Variants in ESRRG observed in about 807,000 individuals in gnomAD.
ESRRG encodes the protein estrogen related receptor gamma.
Under a neutral mutation model 44.0 loss-of-function variants are expected in ESRRG, and 13 were observed. That is an observed-to-expected ratio of 0.30 (90% CI 0.19 to 0.47). The LOEUF is 0.47. Ranked by LOEUF, ESRRG falls within the 20% of genes least tolerant of loss-of-function variation. The pLI is 1.00. For synonymous variants in ESRRG, 215 were observed against 214.6 expected (o/e 1.00, Z -0.02); for missense variants, 395 against 580.6 (o/e 0.68, Z 3.29).
chr1:216,775,511 G>GAC lies in ESRRG; in HGVS notation c.-13-98022_-13-98021dup, dbSNP rs142691233. Among the ~76,000 whole-genome samples, 1,306 of 133,462 alleles carry GAC rather than the reference G, an allele frequency of 9.8e-3. 47 individuals carry two copies. Among genetic ancestry groups the GAC allele is most frequent in the East Asian group, 0.075 (311 of 4,174 alleles). The allele number at this position is 133,462 out of a possible 152,430, so 87.6% of individuals were successfully genotyped here. ...ACTCTATTCCCAATTGCTCAACCCT[G>GAC]ACAGCATGGAGTCTTTCCCACCTAA... On this transcript the variant is annotated intron_variant, in intron 2 of 7. Coordinates refer to the ESRRG transcript ENST00000359162.
intron 2 of ESRRG, among the ~76,000 whole-genome samples, chr1:216,913,743 G>A (rs561290503): frequency 1.3e-5 from 2 of 152,334 alleles, no homozygotes; most frequent in South Asian, 4.1e-4. Context: ...TAGTGCGTGT[G>A]ATAAGCACTT....
chr1:216,600,662 C>G (rs957817889), intron 3 of ESRRG, among the ~76,000 whole-genome samples: 10 of 151,712 alleles, frequency 6.6e-5, no homozygotes, highest in African/African-American at 2.4e-4. Context: ...AAAATAAAGT[C>G]TTAAAAAAAA....
intron 2 of ESRRG, among the ~76,000 whole-genome samples, chr1:216,734,572 C>T (rs1283073390): frequency 6.6e-6 from 1 of 152,152 alleles, no homozygotes; most frequent in African/African-American, 2.4e-5. Flanking sequence ...TATAAGCTTC[C>T]TGGAGCTTCA....
chr1:216,866,227 A>G (rs1280566803), intron 2 of ESRRG, among the ~76,000 whole-genome samples: 2 of 152,194 alleles, frequency 1.3e-5, no homozygotes, highest in Non-Finnish European at 2.9e-5. Context: ...CATACAAGCC[A>G]TGTACATACA....
At chr1:217,136,241 G>A (rs2093047783) in intron 1 of ESRRG, among the ~76,000 whole-genome samples, 1 of 152,156 alleles carries the variant, frequency 6.6e-6, no homozygotes, top group Non-Finnish European at 1.5e-5. Context: ...TGAGTGGGAG[G>A]GAAAGGGAAA....
intron 1 of ESRRG, among the ~76,000 whole-genome samples, chr1:216,965,863 A>T (rs1403356251): frequency 6.6e-6 from 1 of 152,156 alleles, no homozygotes; most frequent in African/African-American, 2.4e-5. Flanking sequence ...GTGGATTCTA[A>T]ATTAGAGCTT....
chr1:217,046,316 A>G (rs2084873482), intron 1 of ESRRG, among the ~76,000 whole-genome samples: 1 of 152,200 alleles, frequency 6.6e-6, no homozygotes, highest in South Asian at 2.1e-4. Flanking sequence ...ATCAAGAAAT[A>G]GGTGTTGGAT....
intron 2 of ESRRG, among the ~76,000 whole-genome samples, chr1:216,930,015 C>A (rs992814367): frequency 6.6e-6 from 1 of 152,146 alleles, no homozygotes; most frequent in Non-Finnish European, 1.5e-5. Flanking sequence ...TTTCATTGGA[C>A]ATCCTTCCTC....
At chr1:216,927,766 C>CAT (rs1379313915) in intron 2 of ESRRG, among the ~76,000 whole-genome samples, 35 of 152,138 alleles carry the variant, frequency 2.3e-4, no homozygotes, top group Admixed American at 3.3e-4. Context: ...CGGGACGGGG[C>CAT]TCCCAGATCA....
intron 2 of ESRRG, chr1:216,855,192 T>A (rs1212228648): frequency 6.6e-6 from 1 of 152,152 alleles, no homozygotes; most frequent in African/African-American, 2.4e-5. Flanking sequence ...GATATGACAC[T>A]TGGATTCAAT....
chr1:216,935,640 G>A (rs2064016018), intron 2 of ESRRG, among the ~76,000 whole-genome samples: 1 of 150,502 alleles, frequency 6.6e-6, no homozygotes, highest in East Asian at 2.0e-4. Context: ...TTTTGGAGAT[G>A]GAGTCTTATT....
At chr1:216,516,682 G>GAA (rs2044426581) in intron 6 of ESRRG, among the ~76,000 whole-genome samples, 4 of 91,748 alleles carry the variant, frequency 4.4e-5, no homozygotes, top group East Asian at 5.3e-4. Flanking sequence ...GAGAGAGAGA[G>GAA]AAACGACAAA....
chr1:216,887,723 C>T (rs1577696190), intron 2 of ESRRG, among the ~76,000 whole-genome samples: 2 of 152,154 alleles, frequency 1.3e-5, no homozygotes, highest in East Asian at 3.9e-4. Context: ...TTTTCTCTCT[C>T]TGAAAAACTA....
At chr1:216,639,871 G>A (rs1450060136) in intron 3 of ESRRG, among the ~76,000 whole-genome samples, 1 of 152,162 alleles carries the variant, frequency 6.6e-6, no homozygotes, top group East Asian at 1.9e-4. Flanking sequence ...TATAAAAGAA[G>A]AGTATCTTAC....
At chr1:217,130,569 C>T (rs899300801) in intron 1 of ESRRG, among the ~76,000 whole-genome samples, 4 of 152,166 alleles carry the variant, frequency 2.6e-5, no homozygotes, top group Non-Finnish European at 5.9e-5. Flanking sequence ...TACATCTCCA[C>T]TTCCAAATGT....
intron 1 of ESRRG, among the ~76,000 whole-genome samples, chr1:216,994,250 A>T (rs10495038): frequency 0.37 from 55,794 of 152,104 alleles, 11,351 homozygotes; most frequent in Middle Eastern, 0.47. Flanking sequence ...GCGAAAAAAA[A>T]TCATTTCAAC....
intron 5 of ESRRG, among the ~76,000 whole-genome samples, chr1:216,551,934 C>A (rs1280422296): frequency 1.3e-5 from 2 of 152,086 alleles, no homozygotes; most frequent in Non-Finnish European, 2.9e-5. Flanking sequence ...TGGCCATGTT[C>A]CCCAATCACA....
At chr1:217,050,140 A>G (rs1486428964) in intron 1 of ESRRG, among the ~76,000 whole-genome samples, 1 of 152,158 alleles carries the variant, frequency 6.6e-6, no homozygotes, top group Non-Finnish European at 1.5e-5. Flanking sequence ...TACCTATGTG[A>G]TCCTCTGACC....
chr1:216,801,870 T>C (rs956300775), intron 2 of ESRRG, among the ~76,000 whole-genome samples: 1 of 152,160 alleles, frequency 6.6e-6, no homozygotes, highest in African/African-American at 2.4e-5. Flanking sequence ...AAATCCTGCT[T>C]ATCTGTTTTT....
Sources: gnomAD v4.1 joint callset for allele counts (sites outside exome capture counted in the v4.1 genomes callset) on GRCh38, gnomAD v4.1.1 for gene constraint, MANE v1.5 for transcripts, NCBI Gene and HGNC (gene_info 2026-07-23, HGNC 2026-07-21) for gene names.